The following EHMT1 variants were observed in gnomAD, a reference collection of about 807,000 sequenced individuals.
The protein encoded by EHMT1 is histone-lysine N-methyltransferase EHMT1.
In EHMT1, 15 loss-of-function variants were observed where a neutral mutation model predicts 147.2. The observed-to-expected ratio is 0.10, with a 90% CI of 0.07 to 0.16. The LOEUF (loss-of-function observed/expected upper bound fraction) is 0.16. EHMT1 is among the 10% of genes least tolerant of loss of function. The pLI, the probability that EHMT1 is intolerant of heterozygous loss-of-function variation, is 1.00. For missense variants in EHMT1, 1,587 were observed against 1,772.4 expected (o/e 0.90, Z 1.88); for synonymous variants, 795 against 709.6 (o/e 1.12, Z -1.91).
intron 22 of EHMT1, chr9:137,814,766 G>C: frequency 1.7e-6 from 1 of 594,054 alleles, no homozygotes; most frequent in Non-Finnish European, 3.0e-6. Context: ...TGGCGGGGGT[G>C]GGCAGCGTCA....
intron 6 of EHMT1, among the ~76,000 whole-genome samples, chr9:137,750,882 T>G (rs1316663605): frequency 6.6e-6 from 1 of 152,188 alleles, no homozygotes; most frequent in Non-Finnish European, 1.5e-5. Flanking sequence ...AAATCAGTGG[T>G]CAAGGGGTCA....
intron 25 of EHMT1, among the ~76,000 whole-genome samples, chr9:137,831,923 C>A (rs1956215801): frequency 6.6e-6 from 1 of 151,718 alleles, no homozygotes; most frequent in Non-Finnish European, 1.5e-5. Flanking sequence ...GGCTGGGCTC[C>A]CTCCACAGGC....
chr9:137,757,958 C>G lies in EHMT1; in HGVS notation c.1448C>G (p.Ser483Cys), dbSNP rs1010619841. The change falls in exon 9 of 27, where the codon TCT (serine) becomes TGT (cysteine). Residue 483 changes from serine (S) to cysteine (C), a missense_variant. Ser to Cys is a moderately radical substitution (Grantham distance 112). Coordinates refer to ENST00000460843, the MANE Select transcript of EHMT1 (RefSeq NM_024757.5). ...GACAGCACAGGGTACATGGAAGTTTCTCTGGACTCCCTGGATCTCCGAGTC... is the reference window on the plus strand; with the variant it reads ...GACAGCACAGGGTACATGGAAGTTTGTCTGGACTCCCTGGATCTCCGAGTC... ...PGDSTGYMEV[S>C]LDSLDLRVKG... The G allele has an allele frequency of 3.1e-6, 5 of 1,614,088 alleles. No individual in the cohort carries two copies.
At chr9:137,680,482 A>G (rs547697899) in intron 1 of EHMT1, among the ~76,000 whole-genome samples, 3 of 152,312 alleles carry the variant, frequency 2.0e-5, no homozygotes, top group Non-Finnish European at 4.4e-5. Flanking sequence ...CAAAAAAACA[A>G]TTATCAAGTG....
intron 15 of EHMT1, among the ~76,000 whole-genome samples, chr9:137,789,939 A>G (rs1398801728): frequency 1.3e-5 from 2 of 152,230 alleles, no homozygotes; most frequent in Admixed American, 6.5e-5. Flanking sequence ...CATGTTGGCC[A>G]GGCTGGTCTC....
Position 137,811,515 on chromosome 9 carries a change from G to A in EHMT1, c.2767G>A (p.Glu923Lys), listed in dbSNP as rs367643028. The A allele has an allele frequency of 6.2e-5, 100 of 1,611,796 alleles. No homozygotes were observed. In the South Asian group the frequency reaches 7.1e-4, roughly 12 times the overall value. The change falls in exon 19 of 27, where the codon GAG (glutamate) becomes AAG (lysine). Residue 923 changes from glutamate to lysine, a missense_variant. By Grantham distance (56) the Glu-to-Lys change is moderately conservative (BLOSUM62 1). Around this residue, in one of 7 missense-constraint regions of EHMT1, gnomAD observed 201 missense variants for 350.1 expected, o/e 0.57. Transcript: ENST00000460843. Reference sequence around the variant, plus strand: ...GTTCTCCGGCTGCGTGGACATAGCCGAGATCCTGCTGGCTGCCAAGTGCGA... The same window carrying A: ...GTTCTCCGGCTGCGTGGACATAGCCAAGATCCTGCTGGCTGCCAAGTGCGA... Reference protein sequence around the residue: ...AAFSGCVDIAEILLAAKCDLH... With the variant: ...AAFSGCVDIAKILLAAKCDLH...
intron 1 of EHMT1, among the ~76,000 whole-genome samples, chr9:137,668,442 T>C (rs1455082152): frequency 6.6e-6 from 1 of 151,602 alleles, no homozygotes; most frequent in East Asian, 1.9e-4. Flanking sequence ...CACCTACTCA[T>C]CCATTCACCT....
rs982050253 is a variant in EHMT1 at position 137,782,950 on chromosome 9, G to A, written c.2382+553G>A. 2.0e-5 allele frequency among the ~76,000 whole-genome samples: 3 copies of A among 152,158 alleles called. No homozygotes were observed. Among genetic ancestry groups the A allele is most frequent in the African/African-American group, 7.2e-5 (3 of 41,420 alleles). ...ACGACGCTGTTTGTCCCCCTGTGAC[G>A]CCCCTTCCCTGATCCCGGTGTTGGA... On this transcript the variant is annotated intron_variant, in intron 15 of 26. Transcript: ENST00000460843. The surrounding 1 kb of genome is among the most constrained non-coding windows in gnomAD (Gnocchi z 5.7).
At chr9:137,716,085 G>C (rs1945207738) in intron 2 of EHMT1, among the ~76,000 whole-genome samples, 1 of 93,194 alleles carries the variant, frequency 1.1e-5, no homozygotes, top group Non-Finnish European at 2.2e-5. Flanking sequence ...TGGTGTCGTG[G>C]TGGGGGAGGA....
chr9:137,796,080 A>C (rs1291780106), intron 16 of EHMT1, among the ~76,000 whole-genome samples: 3 of 152,228 alleles, frequency 2.0e-5, no homozygotes, highest in African/African-American at 7.2e-5. Flanking sequence ...GAAAGCGAGA[A>C]ACCAGCCATG....
intron 1 of EHMT1, among the ~76,000 whole-genome samples, chr9:137,621,754 C>T (rs982277894): frequency 1.3e-5 from 2 of 152,172 alleles, no homozygotes; most frequent in African/African-American, 4.8e-5. Context: ...GTTCCTTTGA[C>T]TCAAGGCTTT....
At chr9:137,622,463 C>T (rs1229678135) in intron 1 of EHMT1, among the ~76,000 whole-genome samples, 1 of 152,152 alleles carries the variant, frequency 6.6e-6, no homozygotes, top group Admixed American at 6.6e-5. Context: ...CCACTTGCAT[C>T]TCTTGAGCAT....
At chr9:137,744,935 C>T (rs756403945) in intron 6 of EHMT1, among the ~76,000 whole-genome samples, 4 of 152,266 alleles carry the variant, frequency 2.6e-5, no homozygotes, top group Admixed American at 2.0e-4. Context: ...TTCGGAGTTA[C>T]ATTCATGCTT....
chr9:137,826,359 A>G (rs1367982229), intron 25 of EHMT1, among the ~76,000 whole-genome samples: 2 of 152,194 alleles, frequency 1.3e-5, no homozygotes, highest in Non-Finnish European at 1.5e-5. Context: ...TGCTTGAAGA[A>G]GATGCACTGG....
chr9:137,804,369 A>T (rs1209498517), intron 18 of EHMT1, among the ~76,000 whole-genome samples: 1 of 152,174 alleles, frequency 6.6e-6, no homozygotes, highest in African/African-American at 2.4e-5. Flanking sequence ...TCATTTCTCT[A>T]ATGACAGTTG....
At chr9:137,755,663 C>T (rs1458898151) in intron 8 of EHMT1, among the ~76,000 whole-genome samples, 1 of 152,210 alleles carries the variant, frequency 6.6e-6, no homozygotes, top group Non-Finnish European at 1.5e-5. Flanking sequence ...TTTCCAAGCA[C>T]TCGTCCTGTT....
intron 4 of EHMT1, among the ~76,000 whole-genome samples, chr9:137,740,072 C>G (rs1362643063): frequency 1.3e-5 from 2 of 152,278 alleles, no homozygotes; most frequent in African/African-American, 4.8e-5. Context: ...TTCCAACCTC[C>G]CATCCACCTT....
At chr9:137,790,755 CT>C (rs1409520003) in intron 15 of EHMT1, 92 bp from the exon 16 acceptor site, 8 of 1,590,866 alleles carry the variant, frequency 5.0e-6, no homozygotes, top group East Asian at 2.2e-5. Flanking sequence ...GTGCAGCTCT[CT>C]TTTTTTGAGT....
At chr9:137,796,390 T>C (rs1952945286) in intron 16 of EHMT1, among the ~76,000 whole-genome samples, 1 of 152,116 alleles carries the variant, frequency 6.6e-6, no homozygotes, top group Non-Finnish European at 1.5e-5. Flanking sequence ...CGGCCAAAGA[T>C]TAATATCCAA....
Sources: allele counts gnomAD v4.1 joint callset (sites outside exome capture counted in the v4.1 genomes callset), GRCh38; gene constraint gnomAD v4.1.1; regional missense constraint gnomAD v4.1.1; non-coding constraint Gnocchi (gnomAD v3.1); transcripts MANE v1.5; gene names NCBI Gene and HGNC (gene_info 2026-07-23, HGNC 2026-07-21).